Variants in YY1 observed in about 807,000 individuals in gnomAD.
YY1 encodes the protein YY1 transcription factor, also known as transcriptional repressor protein YY1.
Under a neutral mutation model 35.6 loss-of-function variants are expected in YY1, and 2 were observed. The ratio of observed to expected loss-of-function variants is 0.06; its 90% confidence interval spans 0.02 to 0.18. The LOEUF (loss-of-function observed/expected upper bound fraction) is 0.18, where lower values mean the gene tolerates loss of function less well. Among genes scored for constraint, YY1 ranks in the 10% least tolerant of loss-of-function variants. The pLI, the probability that YY1 is intolerant of heterozygous loss-of-function variation, is 1.00. For synonymous variants in YY1, 268 were observed against 238.9 expected, an observed-to-expected ratio of 1.12 and a Z score of -1.12; for missense variants, 322 against 573.4, an observed-to-expected ratio of 0.56 and a Z score of 4.48.
chr14:100,264,682 AAGTC>A (rs1403066672), intron 2 of YY1, among the ~76,000 whole-genome samples: 1 of 152,166 alleles, frequency 6.6e-6, no homozygotes, highest in Non-Finnish European at 1.5e-5. Context: ...AACTTGGGAG[AAGTC>A]CTTTGCAGCT....
chr14:100,240,530 G>A (rs547750215), intron 1 of YY1, among the ~76,000 whole-genome samples: 6 of 54 alleles, frequency 0.11, no homozygotes, highest in African/African-American at 0.27. Context: ...GGCACTCGTG[G>A]GCGCCCTCCG....
chr14:100,243,033 T>C (rs571278820), intron 1 of YY1, among the ~76,000 whole-genome samples: 2 of 152,350 alleles, frequency 1.3e-5, no homozygotes, highest in African/African-American at 4.8e-5. Context: ...CTCGGACATG[T>C]GTTTTGTGGT....
intron 1 of YY1, among the ~76,000 whole-genome samples, chr14:100,252,630 T>A (rs1890940486): frequency 6.6e-6 from 1 of 152,220 alleles, no homozygotes; most frequent in Non-Finnish European, 1.5e-5. Flanking sequence ...TTTGAATCAA[T>A]GACTGTATTC....
intron 1 of YY1, among the ~76,000 whole-genome samples, chr14:100,254,134 C>T (rs1172049509): frequency 6.6e-6 from 1 of 152,088 alleles, no homozygotes; most frequent in African/African-American, 2.4e-5. Context: ...CCACACATGG[C>T]CAAGATATTT....
chr14:100,277,628 A>C lies in YY1; in HGVS notation c.*28A>C, dbSNP rs770801130. ...AGAAGAGAGAAGACCCTTCTCGACC[A>C]CGGGAAGCATCTTCCAGAAGTGTGA... On this transcript the variant is annotated 3_prime_UTR_variant, in exon 5 of 5. Transcript: ENST00000262238. The surrounding 1 kb of genome is among the most constrained non-coding windows in gnomAD (Gnocchi z 5.6). The C allele has an allele frequency of 6.2e-7, 1 of 1,608,772 alleles. No individual in the cohort carries two copies. Among genetic ancestry groups the C allele is most frequent in the African/African-American group, 1.3e-5 (1 of 74,758 alleles).
rs994753572 is a variant in YY1, at chr14:100,276,953, G to C, written c.1062+305G>C. ...TCAATTTCTACTTCATTCATTACAG[G>C]ATTGAAGTAATTTATTTTTGGTAGT... is the stretch of plus-strand genomic sequence containing the variant. On this transcript the variant is annotated intron_variant, in intron 4 of 4. Transcript: ENST00000262238. This position sits in a 1 kb window ranked among gnomAD's most constrained non-coding sequence, Gnocchi z 4.1. 8.8e-6 allele frequency: 4 copies of C among 453,402 alleles called. No homozygotes were observed. Among genetic ancestry groups the C allele is most frequent in the African/African-American group, 7.9e-5 (4 of 50,744 alleles). 28.1% of individuals were successfully genotyped at this position (453,402 alleles called of 1,614,324 possible). A position where few individuals can be genotyped will look rare whatever the true frequency, so the allele number is the denominator to read the frequency against.
At chr14:100,270,496 G>T (rs1022026615) in intron 2 of YY1, among the ~76,000 whole-genome samples, 2 of 148,992 alleles carry the variant, frequency 1.3e-5, no homozygotes, top group Admixed American at 6.7e-5. Flanking sequence ...GGTGGCACGC[G>T]CCTGTAATCC....
chr14:100,258,683 C>T (rs1891038089), intron 1 of YY1, among the ~76,000 whole-genome samples: 2 of 152,218 alleles, frequency 1.3e-5, no homozygotes, highest in African/African-American at 4.8e-5. Context: ...ACTTCCTAGC[C>T]AGTTAACCCT....
chr14:100,240,403 G>A (rs1320190459), intron 1 of YY1, among the ~76,000 whole-genome samples: 1 of 148,802 alleles, frequency 6.7e-6, no homozygotes, highest in Non-Finnish European at 1.5e-5. Context: ...CCCCCGCCCG[G>A]CGCTGCCGTT....
intron 1 of YY1, among the ~76,000 whole-genome samples, chr14:100,261,420 T>C (rs1389234880): frequency 4.6e-5 from 7 of 151,976 alleles, no homozygotes. Flanking sequence ...AAACTCCTGA[T>C]TGCAAGCAAT....
chr14:100,250,910 C>T (rs759333101), intron 1 of YY1, among the ~76,000 whole-genome samples: 2 of 151,108 alleles, frequency 1.3e-5, no homozygotes, highest in African/African-American at 4.9e-5. Context: ...AGGAGGCTGA[C>T]GTGGGAGAAT....
intron 1 of YY1, among the ~76,000 whole-genome samples, chr14:100,243,623 T>A (rs1426862544): frequency 3.3e-5 from 5 of 151,666 alleles, no homozygotes; most frequent in Non-Finnish European, 5.9e-5. Context: ...TGAGACCCCG[T>A]CTCTGCAAAA....
chr14:100,262,183 G>GGA, intron 1 of YY1, 121 bp from the exon 2 acceptor site: 1 of 1,082,768 alleles, frequency 9.2e-7, no homozygotes, highest in South Asian at 1.5e-5. Context: ...AAGGGAGAGG[G>GGA]GAGAACAAAT....
chr14:100,270,975 G>C (rs989824911), intron 2 of YY1, among the ~76,000 whole-genome samples: 13 of 151,992 alleles, frequency 8.6e-5, no homozygotes, highest in Non-Finnish European at 1.8e-4. Context: ...GCTGGGCGCG[G>C]TGGCTCACGC....
Position 100,239,586 on chromosome 14 carries a change from C to T in YY1, c.342C>T (p.Gly114=). The T allele has an allele frequency of 1.2e-6, 2 of 1,612,582 alleles. No homozygotes were observed. The highest frequency in any genetic ancestry group is 1.7e-6 in the Non-Finnish European group (2 of 1,179,704). ...TGCAGACGCGCGAGGAGGTGGTGGG[C>T]GGCGACGACTCGGACGGGCTGCGCG... ...ILVQTREEVV[G]GDDSDGLRAE... is the part of the protein sequence containing the mutation. Residue 114 remains glycine, a synonymous_variant, in exon 1 of 5, where the codon GGC becomes GGT. Transcript: ENST00000262238.
intron 1 of YY1, among the ~76,000 whole-genome samples, chr14:100,253,941 C>T (rs1196853274): frequency 6.6e-6 from 1 of 152,128 alleles, no homozygotes; most frequent in Non-Finnish European, 1.5e-5. Context: ...AGCAGTTCTC[C>T]TGCCTTGCCT....
rs1212645328 is a variant in YY1, at chr14:100,279,477, T to A, written c.*1877T>A. On this transcript the variant is annotated 3_prime_UTR_variant, in exon 5 of 5. Coordinates refer to ENST00000262238, the MANE Select transcript of YY1 (RefSeq NM_003403.5). ...ATTTAACTTGAGACCCTTTAAAAAA[T>A]TCATCCAGAATCTGTTACCCCTTGG... The A allele has an allele frequency of 1.3e-5, 2 of 152,200 alleles. No homozygotes were observed. Among genetic ancestry groups the A allele is most frequent in the African/African-American group, 4.8e-5 (2 of 41,446 alleles). 9.4% of individuals were successfully genotyped at this position (152,200 alleles called of 1,614,324 possible).
In YY1 at chr14:100,279,038, T is replaced by C. The variant is rs980236754; in HGVS notation, c.*1438T>C. 2.0e-5 allele frequency: 3 copies of C among 152,266 alleles called. No homozygotes were observed. The highest frequency in any genetic ancestry group is 6.5e-5 in the Admixed American group (1 of 15,292). The allele number at this position is 152,266 out of a possible 1,614,324, so 9.4% of individuals were successfully genotyped here. On this transcript the variant is annotated 3_prime_UTR_variant, in exon 5 of 5. Coordinates refer to ENST00000262238, the MANE Select transcript of YY1 (RefSeq NM_003403.5). ...AGTAGCTTAATTTCATGTTTCTAAA[T>C]GGACACTGGGTGCAAATCGGCAAGG...
rs1208233071 is a variant in YY1 at position 100,278,718 on chromosome 14, C to G, written c.*1118C>G. 6.6e-6 allele frequency: 1 copy of G among 152,240 alleles called. No homozygotes were observed. The highest frequency in any genetic ancestry group is 1.5e-5 in the Non-Finnish European group (1 of 68,064). 9.4% of individuals were successfully genotyped at this position (152,240 alleles called of 1,614,324 possible). On this transcript the variant is annotated 3_prime_UTR_variant, in exon 5 of 5. Transcript: ENST00000262238. ...GAGTTCAGGAACTACCTCAGAACACCCCAGGCCAGGTTGGTCATAGGCTGT... is the reference window on the plus strand; with the variant it reads ...GAGTTCAGGAACTACCTCAGAACACGCCAGGCCAGGTTGGTCATAGGCTGT...
Sources: allele counts gnomAD v4.1 joint callset (sites outside exome capture counted in the v4.1 genomes callset), GRCh38; gene constraint gnomAD v4.1.1; non-coding constraint Gnocchi (gnomAD v3.1); transcripts MANE v1.5; gene names NCBI Gene and HGNC (gene_info 2026-07-23, HGNC 2026-07-21).